TMCC1: variants seen among roughly 807,000 people sequenced by gnomAD.
TMCC1 encodes the protein transmembrane and coiled-coil domain family 1.
A neutral mutation model predicts 52.4 loss-of-function variants in TMCC1; 15 were observed. The ratio of observed to expected loss-of-function variants is 0.29; its 90% CI spans 0.19 to 0.44. The LOEUF (loss-of-function observed/expected upper bound fraction) is 0.44, where lower values mean the gene tolerates loss of function less well. Ranked by LOEUF, TMCC1 falls within the 20% of genes least tolerant of loss-of-function variation. The probability of loss-of-function intolerance (pLI) is 1.00; values close to 1 mark genes in which losing one functional copy is unlikely to be tolerated. For missense variants in TMCC1, 503 were observed against 806.0 expected (o/e 0.62, Z 4.55); for synonymous variants, 279 against 301.9 (o/e 0.92, Z 0.79).
In TMCC1 at chr3:129,828,891, T is replaced by A. The variant is rs1207266359; in HGVS notation, c.-130-383A>T. Among the ~76,000 whole-genome samples the A allele has an allele frequency of 1.3e-5, 2 of 152,344 alleles. No homozygotes were observed. The highest frequency in any genetic ancestry group is 3.9e-4 in the East Asian group (2 of 5,182). On this transcript the variant is annotated intron_variant, in intron 3 of 6. Transcript: ENST00000393238. This position sits in a 1 kb window ranked among gnomAD's most constrained non-coding sequence, Gnocchi z 4.1. ...AGAAGAGACCATCCAATAGGTTTAC[T>A]CTAGCTGAGGCAATTTAATCCCTCT...
At chr3:129,723,938 C>T (rs2049866772) in intron 4 of TMCC1, among the ~76,000 whole-genome samples, 1 of 138,342 alleles carries the variant, frequency 7.2e-6, no homozygotes, top group South Asian at 2.3e-4. Flanking sequence ...TTTTAAAAGA[C>T]AGATACACAC....
rs545452207 is a variant in TMCC1, at chr3:129,765,519, T to A, written c.576+62284A>T. On this transcript the variant is annotated intron_variant, in intron 4 of 6. Transcript: ENST00000393238. The stretch of plus-strand genomic sequence containing the variant: ...GAATTATAGAAAAAGCAGCTTAATT[T>A]GACTCTAATCACTTTTATAAATTAT... Among the ~76,000 whole-genome samples the A allele has an allele frequency of 2.6e-5, 4 of 152,306 alleles. No individual in the cohort carries two copies. In the East Asian group the frequency reaches 7.7e-4, roughly 29 times the overall value.
chr3:129,693,868 C>G (rs1183767456), intron 4 of TMCC1, among the ~76,000 whole-genome samples: 1 of 152,152 alleles, frequency 6.6e-6, no homozygotes, highest in Admixed American at 6.5e-5. Context: ...AGGATCAATA[C>G]CAATCTCATC....
chr3:129,728,301 T>C (rs994651552), intron 4 of TMCC1, among the ~76,000 whole-genome samples: 2 of 152,206 alleles, frequency 1.3e-5, no homozygotes, highest in African/African-American at 4.8e-5. Context: ...TTGTTGTTGT[T>C]CTGAGATGGA....
chr3:129,775,236 C>G (rs1006334414), intron 4 of TMCC1, among the ~76,000 whole-genome samples: 2 of 152,022 alleles, frequency 1.3e-5, no homozygotes, highest in South Asian at 4.1e-4. Context: ...CTTGAGCCCG[C>G]AAGTTCGAGA....
chr3:129,815,442 T>C (rs1433175487), intron 4 of TMCC1, among the ~76,000 whole-genome samples: 4 of 151,836 alleles, frequency 2.6e-5, no homozygotes, highest in Admixed American at 2.6e-4. Context: ...CAGATATAAA[T>C]CAACACATTT....
intron 4 of TMCC1, among the ~76,000 whole-genome samples, chr3:129,707,605 T>G (rs552735786): frequency 6.6e-6 from 1 of 152,348 alleles, no homozygotes; most frequent in Admixed American, 6.5e-5. Context: ...TTTTACTTTC[T>G]TATAATTTGA....
chr3:129,830,432 T>C (rs2058855503), intron 3 of TMCC1, among the ~76,000 whole-genome samples: 1 of 152,216 alleles, frequency 6.6e-6, no homozygotes. Flanking sequence ...GAGTTTGTCT[T>C]GCTGGCTAAT....
At chr3:129,784,453 CT>C (rs1176021226) in intron 4 of TMCC1, among the ~76,000 whole-genome samples, 1 of 151,842 alleles carries the variant, frequency 6.6e-6, no homozygotes, top group South Asian at 2.1e-4. Context: ...GTAGTTCCAG[CT>C]ACTTGGGAGG....
chr3:129,746,132 G>C (rs1279352733), intron 4 of TMCC1, among the ~76,000 whole-genome samples: 1 of 151,784 alleles, frequency 6.6e-6, no homozygotes, highest in African/African-American at 2.4e-5. Context: ...TACCCTTAGA[G>C]AGAAATTAAT....
rs116110162 is a variant in TMCC1 at position 129,838,227 on chromosome 3, A to G, written c.-183-5401T>C. ...GGAGACCAGCCTGGGCAGCATAGGG[A>G]GACCTCATCCCTAAAAATAAACAAA... On this transcript the variant is annotated intron_variant, in intron 2 of 6. Transcript: ENST00000393238. Among the ~76,000 whole-genome samples the G allele has an allele frequency of 7.9e-3, 1,202 of 151,952 alleles. 17 individuals carry two copies. The highest frequency in any genetic ancestry group is 0.028 in the African/African-American group (1,161 of 41,454).
At chr3:129,654,632 C>A (rs1052766164) in intron 6 of TMCC1, among the ~76,000 whole-genome samples, 7 of 152,102 alleles carry the variant, frequency 4.6e-5, no homozygotes, top group Non-Finnish European at 7.4e-5. Context: ...CCCCCTTTCC[C>A]ACAGAAGGAG....
intron 4 of TMCC1, among the ~76,000 whole-genome samples, chr3:129,709,905 A>G (rs1207960227): frequency 6.6e-6 from 1 of 151,918 alleles, no homozygotes; most frequent in Non-Finnish European, 1.5e-5. Context: ...CTGTGTCAGT[A>G]GCCAGGCGCG....
At chr3:129,792,372 G>T (rs145138439) in intron 4 of TMCC1, among the ~76,000 whole-genome samples, 1 of 151,814 alleles carries the variant, frequency 6.6e-6, no homozygotes, top group Non-Finnish European at 1.5e-5. Context: ...TTTTAAGACG[G>T]AGTCTCGCTC....
chr3:129,831,392 T>C (rs2058905634), intron 3 of TMCC1, among the ~76,000 whole-genome samples: 1 of 152,168 alleles, frequency 6.6e-6, no homozygotes, highest in Admixed American at 6.5e-5. Context: ...TATCGGATTT[T>C]CAAAGGCAAA....
intron 2 of TMCC1, among the ~76,000 whole-genome samples, chr3:129,834,388 A>G (rs2059060701): frequency 6.6e-6 from 1 of 152,168 alleles, no homozygotes; most frequent in African/African-American, 2.4e-5. Context: ...ATTTATATTA[A>G]ATTGCATTAA....
intron 4 of TMCC1, among the ~76,000 whole-genome samples, chr3:129,787,944 C>T (rs950223459): frequency 1.3e-5 from 2 of 152,138 alleles, no homozygotes; most frequent in African/African-American, 2.4e-5. Context: ...ACTTGTAACA[C>T]ATTTGAACTA....
intron 2 of TMCC1, among the ~76,000 whole-genome samples, chr3:129,876,244 A>G (rs1425488468): frequency 6.6e-6 from 1 of 151,522 alleles, no homozygotes; most frequent in African/African-American, 2.4e-5. Context: ...ACAATGACTT[A>G]AGTAAGCACT....
chr3:129,858,737 C>T (rs898477814), intron 2 of TMCC1, among the ~76,000 whole-genome samples: 2 of 152,118 alleles, frequency 1.3e-5, no homozygotes, highest in South Asian at 2.1e-4. Flanking sequence ...AGGGTCCTCA[C>T]ATTTAACATC....
Sources: allele counts gnomAD v4.1 joint callset (sites outside exome capture counted in the v4.1 genomes callset), GRCh38; gene constraint gnomAD v4.1.1; non-coding constraint Gnocchi (gnomAD v3.1); transcripts MANE v1.5; gene names NCBI Gene and HGNC (gene_info 2026-07-23, HGNC 2026-07-21).